Variants in C9 observed in about 807,000 individuals in gnomAD.
The protein encoded by C9 is complement C9, also known as complement component C9.
A neutral mutation model predicts 65.4 loss-of-function variants in C9; 63 were observed. The ratio of observed to expected loss-of-function variants is 0.96; its 90% CI spans 0.79 to 1.19. The LOEUF is 1.19. C9 is among the 50% of genes most tolerant of loss of function. C9 has a pLI of 0.00. For missense variants in C9, 744 were observed against 670.1 expected (o/e 1.11, Z -1.22); for synonymous variants, 229 against 227.9 (o/e 1.00, Z -0.04).
chr5:39,310,583 A>G (rs1267346049), intron 7 of C9, among the ~76,000 whole-genome samples: 2 of 152,060 alleles, frequency 1.3e-5, no homozygotes, highest in Non-Finnish European at 2.9e-5. Flanking sequence ...CCTACTTAAC[A>G]TGAGCCCAAT....
At chr5:39,337,906 A>T (rs1338961359) in intron 4 of C9, among the ~76,000 whole-genome samples, 1 of 152,238 alleles carries the variant, frequency 6.6e-6, no homozygotes, top group Non-Finnish European at 1.5e-5. Context: ...ATCTAACTGT[A>T]TGTGACTATT....
intron 9 of C9, among the ~76,000 whole-genome samples, chr5:39,300,422 ACAAAAAGAAAAGAAG>A (rs1188523257): frequency 6.6e-6 from 1 of 152,256 alleles, no homozygotes; most frequent in Non-Finnish European, 1.5e-5. Flanking sequence ...TAAAACAAAA[ACAAAAAGAAAAGAAG>A]CAAAAAGAAA....
chr5:39,345,363 G>C (rs764025286), intron 1 of C9, among the ~76,000 whole-genome samples: 3 of 152,148 alleles, frequency 2.0e-5, no homozygotes, highest in African/African-American at 4.8e-5. Flanking sequence ...AAAAGGCAGG[G>C]GTTGTAATCG....
intron 7 of C9, among the ~76,000 whole-genome samples, chr5:39,309,887 TTG>T (rs1753448883): frequency 6.6e-6 from 1 of 152,158 alleles, no homozygotes. Flanking sequence ...GAAGATTTCT[TTG>T]TGTTTTGATC....
At chr5:39,350,740 G>T (rs1186878030) in intron 1 of C9, among the ~76,000 whole-genome samples, 2 of 152,160 alleles carry the variant, frequency 1.3e-5, no homozygotes, top group East Asian at 3.9e-4. Flanking sequence ...CTGCTTCTGT[G>T]CCGCTGCCTG....
intron 1 of C9, among the ~76,000 whole-genome samples, chr5:39,343,119 A>G (rs1447589418): frequency 6.6e-6 from 1 of 152,132 alleles, no homozygotes; most frequent in Non-Finnish European, 1.5e-5. Context: ...AAGTCAGGTG[A>G]TTTCTGCATT....
At chr5:39,305,190 C>T (rs1043704790) in intron 9 of C9, among the ~76,000 whole-genome samples, 1 of 152,070 alleles carries the variant, frequency 6.6e-6, no homozygotes, top group African/African-American at 2.4e-5. Context: ...AAGAGGCATC[C>T]TCTGATTTTA....
chr5:39,296,137 G>A (rs990284790), intron 9 of C9, among the ~76,000 whole-genome samples: 1 of 151,514 alleles, frequency 6.6e-6, no homozygotes. Flanking sequence ...TTTCTGAATA[G>A]GATCTCAAAT....
At chr5:39,317,725 A>G (rs1434875081) in intron 5 of C9, among the ~76,000 whole-genome samples, 2 of 152,208 alleles carry the variant, frequency 1.3e-5, no homozygotes, top group Admixed American at 6.5e-5. Context: ...CACCAGTACC[A>G]TGCTATTTTG....
intron 6 of C9, among the ~76,000 whole-genome samples, chr5:39,312,263 A>AC (rs1753497869): frequency 6.6e-6 from 1 of 152,190 alleles, no homozygotes; most frequent in Non-Finnish European, 1.5e-5. Flanking sequence ...AACTCATGAA[A>AC]CTATACACTT....
intron 4 of C9, 63 bp from the exon 5 acceptor site, chr5:39,331,877 T>C (rs1753847380): frequency 1.4e-6 from 2 of 1,449,192 alleles, no homozygotes; most frequent in East Asian, 4.5e-5. Flanking sequence ...GGCAGCCCTC[T>C]GTAGCTGGAA....
rs1434388411 is a variant in C9, at chr5:39,338,138, T to C, written c.476+3008A>G. ...TGTTGTTTTGAAACCTCTTCCTAAA[T>C]ATTAATTACTGATTTATACCACTCT... is the stretch of plus-strand genomic sequence containing the variant. On this transcript the variant is annotated intron_variant, in intron 4 of 10. Transcript: ENST00000263408. 2.0e-5 allele frequency among the ~76,000 whole-genome samples: 3 copies of C among 152,222 alleles called. No homozygotes were observed. In the East Asian group the frequency reaches 5.8e-4, roughly 29 times the overall value.
chr5:39,358,988 A>T (rs835217), intron 1 of C9, among the ~76,000 whole-genome samples: 49,865 of 132,386 alleles, frequency 0.38, 9,114 homozygotes, highest in Middle Eastern at 0.48. Context: ...CCATCTCAAA[A>T]AAATAAATAA....
chr5:39,342,152 A>G lies in C9; in HGVS notation c.122T>C (p.Ile41Thr). The change falls in exon 2 of 11, where the codon ATA (isoleucine) becomes ACA (threonine). Residue 41 changes from isoleucine (I) to threonine (T), a missense_variant. Ile to Thr is a moderately conservative substitution (Grantham distance 89). Coordinates refer to ENST00000263408, the MANE Select transcript of C9 (RefSeq NM_001737.5). ...ACTCCAGGGGCTCATTCTGCAGTCTATGTGTGATGCAGAGCCACTGCTTTC... is the reference window on the plus strand; with the variant it reads ...ACTCCAGGGGCTCATTCTGCAGTCTGTGTGTGATGCAGAGCCACTGCTTTC... ...LTESSGSASH[I>T]DCRMSPWSEW... The G allele has an allele frequency of 6.2e-7, 1 of 1,610,392 alleles. No individual in the cohort carries two copies. The highest frequency in any genetic ancestry group is 8.5e-7 in the Non-Finnish European group (1 of 1,176,624).
intron 8 of C9, 112 bp downstream of exon 8, chr5:39,308,118 G>A: frequency 9.8e-7 from 1 of 1,018,410 alleles, no homozygotes; most frequent in South Asian, 1.3e-5. Context: ...ATGTAAGATA[G>A]TTTTTAAGCA....
In C9 at chr5:39,284,690, T is replaced by C. The variant is rs1752957487; in HGVS notation, c.*509A>G. ...TGGATTTAAATCGTAGAGCTAAGAC[T>C]AGTAAAAGCAACTGCTGTGCACGTG... is the stretch of plus-strand genomic sequence containing the variant. On this transcript the variant is annotated 3_prime_UTR_variant, in exon 11 of 11. Transcript: ENST00000263408. 6.5e-6 allele frequency: 1 copy of C among 154,066 alleles called. No individual in the cohort carries two copies. Among genetic ancestry groups the C allele is most frequent in the African/African-American group, 2.4e-5 (1 of 41,460 alleles). 9.5% of individuals were successfully genotyped at this position (154,066 alleles called of 1,614,324 possible). A position where few individuals can be genotyped will look rare whatever the true frequency, so the allele number is the denominator to read the frequency against.
chr5:39,306,481 C>T lies in C9; in HGVS notation c.1416+136G>A, dbSNP rs2111875911. 4 of 742,176 alleles carry T rather than the reference C, an allele frequency of 5.4e-6. No homozygotes were observed. The South Asian group carries it at 6.4e-5, about 12-fold the overall frequency. 46.0% of individuals were successfully genotyped at this position (742,176 alleles called of 1,614,324 possible). A position where few individuals can be genotyped will look rare whatever the true frequency, so the allele number is the denominator to read the frequency against. ...CATGCCTTTTCTCTATGCCATGCCT[C>T]CTTTTGGGGAAGAAATGGGAGTGTA... On this transcript the variant is annotated intron_variant, in intron 9 of 10. Coordinates refer to ENST00000263408, the MANE Select transcript of C9 (RefSeq NM_001737.5).
intron 8 of C9, among the ~76,000 whole-genome samples, chr5:39,307,088 C>T (rs777035147): frequency 3.3e-5 from 5 of 152,092 alleles, no homozygotes; most frequent in African/African-American, 4.8e-5. Flanking sequence ...CATGTACTCA[C>T]GGGAACTAAA....
intron 1 of C9, among the ~76,000 whole-genome samples, chr5:39,344,019 C>T (rs1362571536): frequency 6.6e-6 from 1 of 152,152 alleles, no homozygotes; most frequent in Non-Finnish European, 1.5e-5. Context: ...AGAACCCCAT[C>T]TGTACGTCAC....
Sources: gnomAD v4.1 joint callset for allele counts (sites outside exome capture counted in the v4.1 genomes callset) on GRCh38, gnomAD v4.1.1 for gene constraint, MANE v1.5 for transcripts, NCBI Gene and HGNC (gene_info 2026-07-23, HGNC 2026-07-21) for gene names.